The following RASEF variants were observed in gnomAD, a reference collection of about 807,000 sequenced individuals.
The protein encoded by RASEF is RAS and EF-hand domain containing, also known as ras and EF-hand domain-containing protein.
RASEF carries 68 observed loss-of-function variants against 90.1 expected under a neutral mutation model. That is an observed-to-expected ratio of 0.75 (90% confidence interval 0.62 to 0.92). RASEF has a LOEUF of 0.92. Ranked by LOEUF, RASEF falls within the 40% of genes least tolerant of loss-of-function variation. The pLI, the probability that RASEF is intolerant of heterozygous loss-of-function variation, is 0.00. For missense variants in RASEF, 949 were observed against 937.2 expected, an observed-to-expected ratio of 1.01 and a Z score of -0.16; for synonymous variants, 331 against 345.2, an observed-to-expected ratio of 0.96 and a Z score of 0.46.
the RASEF span, among the ~76,000 whole-genome samples, chr9:83,098,064 A>G: frequency 6.6e-6 from 1 of 152,174 alleles, no homozygotes; most frequent in Admixed American, 6.5e-5. Context: ...AGTCAAATCT[A>G]GGGCTGATAG....
chr9:83,106,889 G>A, the RASEF span, among the ~76,000 whole-genome samples: 2 of 151,930 alleles, frequency 1.3e-5, no homozygotes, highest in African/African-American at 4.8e-5. Flanking sequence ...CAATTTCAGC[G>A]ATAATCTGGC....
At chr9:83,074,099 C>A in the RASEF span, among the ~76,000 whole-genome samples, 3 of 152,208 alleles carry the variant, frequency 2.0e-5, no homozygotes, top group South Asian at 6.2e-4. Flanking sequence ...CAGGTAAGGG[C>A]AGATATGTCA....
At chr9:83,175,463 G>A in the RASEF span, among the ~76,000 whole-genome samples, 1 of 152,050 alleles carries the variant, frequency 6.6e-6, no homozygotes, top group African/African-American at 2.4e-5. Flanking sequence ...AACCCTAGTA[G>A]TAGTAGTGTA....
At chr9:83,064,435 T>C (rs1025292396), upstream of RASEF, among the ~76,000 whole-genome samples, 1 of 152,250 alleles carries the variant, frequency 6.6e-6, no homozygotes, top group African/African-American at 2.4e-5. Flanking sequence ...ATTTTGAGCT[T>C]ATGTGCTTTC....
chr9:83,012,374 G>C, intron 5 of RASEF, 60 bp downstream of exon 5: 1 of 856,880 alleles, frequency 1.2e-6, no homozygotes, highest in Non-Finnish European at 1.8e-6. Context: ...ACTGAAATAA[G>C]AGCATGAGGA....
the RASEF span, among the ~76,000 whole-genome samples, chr9:83,149,271 G>C: frequency 6.6e-6 from 1 of 152,202 alleles, no homozygotes; most frequent in African/African-American, 2.4e-5. Flanking sequence ...AGGCTACTTA[G>C]AATCTAGCTG....
upstream of RASEF, among the ~76,000 whole-genome samples, chr9:83,067,367 C>T (rs552874194): frequency 8.5e-5 from 13 of 152,166 alleles, no homozygotes; most frequent in African/African-American, 2.4e-4. Context: ...GTAGATTTTG[C>T]GAAAAGGAAT....
At chr9:83,057,154 C>T (rs1228853048) in intron 1 of RASEF, among the ~76,000 whole-genome samples, 1 of 152,208 alleles carries the variant, frequency 6.6e-6, no homozygotes, top group African/African-American at 2.4e-5. Flanking sequence ...GCTCTCACCA[C>T]TCCTTCTCAA....
intron 16 of RASEF, among the ~76,000 whole-genome samples, chr9:82,983,107 C>T (rs1828643895): frequency 7.8e-6 from 1 of 128,560 alleles, no homozygotes; most frequent in African/African-American, 3.0e-5. Context: ...GAGTACCAGG[C>T]CACACACACA....
the RASEF span, among the ~76,000 whole-genome samples, chr9:83,080,995 A>G: frequency 3.3e-5 from 5 of 152,200 alleles, no homozygotes; most frequent in African/African-American, 1.2e-4. Flanking sequence ...ACTCAATAGC[A>G]TTAGGAAAAT....
the RASEF span, among the ~76,000 whole-genome samples, chr9:83,119,226 C>G: frequency 6.7e-6 from 1 of 148,206 alleles, no homozygotes; most frequent in Non-Finnish European, 1.5e-5. Flanking sequence ...AGCATGTTGG[C>G]CAGGCTGGTC....
chr9:83,028,445 A>C (rs557018592), intron 1 of RASEF, among the ~76,000 whole-genome samples: 1 of 152,310 alleles, frequency 6.6e-6, no homozygotes, highest in African/African-American at 2.4e-5. Context: ...ACAGCCACAG[A>C]AGACCACTCA....
chr9:83,004,838 A>G (rs1402781257), intron 8 of RASEF, among the ~76,000 whole-genome samples: 4 of 152,184 alleles, frequency 2.6e-5, no homozygotes, highest in Admixed American at 2.6e-4. Context: ...TGCATATTCC[A>G]TAAAGGAGTA....
chr9:83,043,842 T>A (rs1829883229), intron 1 of RASEF, among the ~76,000 whole-genome samples: 1 of 152,132 alleles, frequency 6.6e-6, no homozygotes, highest in African/African-American at 2.4e-5. Flanking sequence ...AGGGATTCTG[T>A]TAAAATGCAG....
At chr9:83,031,218 T>C (rs891640688) in intron 1 of RASEF, among the ~76,000 whole-genome samples, 76 of 152,364 alleles carry the variant, frequency 5.0e-4, no homozygotes, top group African/African-American at 1.8e-3. Context: ...TTTATCATCT[T>C]CTTCCCTATT....
chr9:83,179,434 C>A, the RASEF span, among the ~76,000 whole-genome samples: 2 of 152,082 alleles, frequency 1.3e-5, no homozygotes, highest in Non-Finnish European at 1.5e-5. Flanking sequence ...CCTGAGTACC[C>A]TTTTACACAC....
At chr9:83,211,495 T>G in the RASEF span, among the ~76,000 whole-genome samples, 1 of 152,152 alleles carries the variant, frequency 6.6e-6, no homozygotes, top group Non-Finnish European at 1.5e-5. Context: ...AGAAGACTCT[T>G]TACTCTTCAG....
upstream of RASEF, among the ~76,000 whole-genome samples, chr9:83,066,991 T>C (rs1830286830): frequency 6.6e-6 from 1 of 152,140 alleles, no homozygotes; most frequent in African/African-American, 2.4e-5. Context: ...GATCCTTTGC[T>C]CCTACATCAT....
At chr9:83,038,466 C>T (rs1829782344) in intron 1 of RASEF, among the ~76,000 whole-genome samples, 1 of 151,942 alleles carries the variant, frequency 6.6e-6, no homozygotes, top group African/African-American at 2.4e-5. Flanking sequence ...AGATTACAAG[C>T]AATATTATAG....
Sources: allele counts gnomAD v4.1 joint callset (sites outside exome capture counted in the v4.1 genomes callset), GRCh38; gene constraint gnomAD v4.1.1; transcripts MANE v1.5; gene names NCBI Gene and HGNC (gene_info 2026-07-23, HGNC 2026-07-21).